FADS3: variants seen among roughly 807,000 people sequenced by gnomAD.
The protein encoded by FADS3 is fatty acid desaturase 3, also known as cytochrome b5-related protein.
FADS3 carries 30 observed loss-of-function variants against 60.4 expected under a neutral mutation model. That is an observed-to-expected ratio of 0.50 (90% CI 0.37 to 0.67). FADS3 has a LOEUF of 0.67. Among genes scored for constraint, FADS3 ranks in the 30% least tolerant of loss-of-function variants. The probability of loss-of-function intolerance (pLI) is 0.00; values close to 1 mark genes in which losing one functional copy is unlikely to be tolerated. For synonymous variants in FADS3, 234 were observed against 249.3 expected (o/e 0.94, Z 0.58); for missense variants, 432 against 598.3 (o/e 0.72, Z 2.90).
intron 11 of FADS3, among the ~76,000 whole-genome samples, chr11:61,875,530 G>A (rs984332494): frequency 6.6e-6 from 1 of 151,996 alleles, no homozygotes; most frequent in African/African-American, 2.4e-5. Context: ...ACCGCACCCG[G>A]CCCTGAGACA....
At chr11:61,885,195 G>A (rs1016418848) in intron 1 of FADS3, among the ~76,000 whole-genome samples, 7 of 151,986 alleles carry the variant, frequency 4.6e-5, no homozygotes, top group South Asian at 2.1e-4. Flanking sequence ...AAGATCCCAC[G>A]CCCTGCCCAA....
In FADS3 at chr11:61,876,896, G is replaced by A; in HGVS notation, c.953C>T (p.Pro318Leu). 6.2e-7 allele frequency: 1 copy of A among 1,611,016 alleles called. No homozygotes were observed. The highest frequency in any genetic ancestry group is 8.5e-7 in the Non-Finnish European group (1 of 1,179,196). The change falls in exon 8 of 12, where the codon CCT becomes CTT. Residue 318 changes from proline (P) to leucine (L), a missense_variant. Coordinates refer to ENST00000278829, the MANE Select transcript of FADS3 (RefSeq NM_021727.5). The surrounding 1 kb of genome is among the most constrained non-coding windows in gnomAD (Gnocchi z 5.7). The part of the protein sequence containing the change: ...FLSYLPFYGV[P>L]GVLLFFVAVR... ...AGCAACAAAGAAGAGCAGCACCCCA[G>A]GGACGCCGTAGAAGGGGAGGTAGGA...
intron 11 of FADS3, among the ~76,000 whole-genome samples, chr11:61,875,067 T>C (rs769812650): frequency 4.6e-5 from 7 of 152,212 alleles, no homozygotes; most frequent in African/African-American, 7.2e-5. Context: ...CCTCCTCTTG[T>C]AGACGCTTAT....
chr11:61,879,944 G>T, intron 2 of FADS3, 97 bp downstream of exon 2: 2 of 981,442 alleles, frequency 2.0e-6, no homozygotes, highest in Admixed American at 2.4e-5. Flanking sequence ...TTGGGCGAAT[G>T]CCGAGGGAGC....
In FADS3 at chr11:61,876,557, T is replaced by A. The variant is rs577716759; in HGVS notation, c.984-102A>T. The A allele has an allele frequency of 1.1e-6, 1 of 901,768 alleles. No homozygotes were observed. The highest frequency in any genetic ancestry group is 1.6e-5 in the African/African-American group (1 of 61,694). The allele number at this position is 901,768 out of a possible 1,614,324, so 55.9% of individuals were successfully genotyped here. On this transcript the variant is annotated intron_variant, in intron 8 of 11. Coordinates refer to ENST00000278829, the MANE Select transcript of FADS3 (RefSeq NM_021727.5). This position sits in a 1 kb window ranked among gnomAD's most constrained non-coding sequence, Gnocchi z 5.7. Reference sequence around the variant, plus strand: ...TCCCCAAGTGGCCTTGACTTCCTTATCTGTACAATAGGATTGTGGCCATCG... The same window carrying A: ...TCCCCAAGTGGCCTTGACTTCCTTAACTGTACAATAGGATTGTGGCCATCG...
At chr11:61,880,190 A>G in intron 1 of FADS3, 39 bp from the exon 2 acceptor site, 2 of 1,551,946 alleles carry the variant, frequency 1.3e-6, no homozygotes, top group Non-Finnish European at 1.8e-6. Context: ...AGACAGACAC[A>G]GCTGAGTAGC....
At position 61,879,442 on chromosome 11, in the gene FADS3, C is replaced by T. The variant is rs760966139; in HGVS notation, c.392G>A (p.Ser131Asn). The stretch of plus-strand genomic sequence containing the variant: ...CAGTAGGAAAGCAAAGAAGGTGGGA[C>T]TGGCATCAAACAGCTTCATGTCCTC... ...AAEDMKLFDA[S>N]PTFFAFLLGH... The change falls in exon 3 of 12, where the codon AGT (serine) becomes AAT (asparagine). Residue 131 changes from serine to asparagine, a missense_variant. Ser to Asn is a conservative substitution (Grantham distance 46). Coordinates refer to ENST00000278829, the MANE Select transcript of FADS3 (RefSeq NM_021727.5). 5.0e-5 allele frequency: 81 copies of T among 1,606,728 alleles called. No homozygotes were observed. The highest frequency in any genetic ancestry group is 6.5e-5 in the Non-Finnish European group (76 of 1,177,414).
chr11:61,873,577 C>A lies in FADS3; in HGVS notation c.*237G>T, dbSNP rs568042878. 7.6e-5 allele frequency: 43 copies of A among 566,600 alleles called. 1 individual carries two copies. In the East Asian group the frequency reaches 1.3e-3, roughly 18 times the overall value. 35.1% of individuals were successfully genotyped at this position (566,600 alleles called of 1,614,324 possible). ...AATAACAGCTTTCCCCCAATTCTCG[C>A]TCTAGGAAAATGTGCTATGCTCACC... On this transcript the variant is annotated 3_prime_UTR_variant, in exon 12 of 12. Transcript: ENST00000278829.
In FADS3 at chr11:61,878,517, C is replaced by T. The variant is rs144099007; in HGVS notation, c.742G>A (p.Val248Ile). ...APVFLLGESS[V>I]EYGKKKRRYL... is the part of the protein sequence containing the mutation. ...CCACGTCCCTCCCCACCCACCTCGA[C>T]GGATGACTCCCCCAGGAGGAAGACG... Residue 248 changes from valine to isoleucine, a missense_variant, in exon 5 of 12, where the codon GTC (valine) becomes ATC (isoleucine). Val to Ile is a conservative substitution (Grantham distance 29, BLOSUM62 3). This residue lies in a region of FADS3 where 116 missense variants were observed against 208.9 expected (regional missense o/e 0.56). Transcript: ENST00000278829. 2.9e-5 allele frequency: 46 copies of T among 1,613,676 alleles called. No homozygotes were observed. Among genetic ancestry groups the T allele is most frequent in the Non-Finnish European group, 3.5e-5 (41 of 1,179,812 alleles).
At chr11:61,875,663 G>C (rs183065456) in intron 11 of FADS3, among the ~76,000 whole-genome samples, 188 bp downstream of exon 11, 1 of 152,202 alleles carries the variant, frequency 6.6e-6, no homozygotes, top group Admixed American at 6.5e-5. Context: ...ACTGCTGTTT[G>C]TGAGTCTGCA....
intron 11 of FADS3, among the ~76,000 whole-genome samples, chr11:61,874,799 C>T (rs929938008): frequency 6.6e-6 from 1 of 152,118 alleles, no homozygotes; most frequent in African/African-American, 2.4e-5. Context: ...TTAGAAACTG[C>T]CGCCCCTGCC....
intron 11 of FADS3, 22 bp downstream of exon 11, chr11:61,875,829 A>G: frequency 6.2e-7 from 1 of 1,608,504 alleles, no homozygotes. Flanking sequence ...ACCAGAACAG[A>G]GGGGCCGGGC....
chr11:61,877,380 G>T lies in FADS3; in HGVS notation c.885+131C>A. On this transcript the variant is annotated intron_variant, in intron 7 of 11. Coordinates refer to ENST00000278829, the MANE Select transcript of FADS3 (RefSeq NM_021727.5). The surrounding 1 kb of genome is among the most constrained non-coding windows in gnomAD (Gnocchi z 4.7). Reference sequence around the variant, plus strand: ...ACACATGTGAGCCACACTGTTGCACGCATACATGTGAGCCACACTGTTGCA... The same window carrying T: ...ACACATGTGAGCCACACTGTTGCACTCATACATGTGAGCCACACTGTTGCA... 1 of 790,090 alleles carries T rather than the reference G, an allele frequency of 1.3e-6. No individual in the cohort carries two copies. The highest frequency in any genetic ancestry group is 2.1e-6 in the Non-Finnish European group (1 of 477,704). The allele number at this position is 790,090 out of a possible 1,614,324, so 48.9% of individuals were successfully genotyped here.
intron 1 of FADS3, chr11:61,881,426 T>C (rs1484588466): frequency 6.6e-6 from 1 of 152,214 alleles, no homozygotes; most frequent in Non-Finnish European, 1.5e-5. Context: ...GGCTCACTAA[T>C]TGTTCACAGC....
At chr11:61,883,714 T>C (rs921962171) in intron 1 of FADS3, among the ~76,000 whole-genome samples, 2 of 152,210 alleles carry the variant, frequency 1.3e-5, no homozygotes, top group African/African-American at 4.8e-5. Context: ...CTGAGGATCT[T>C]GGGTCCAGAT....
chr11:61,889,873 G>A (rs10732883), intron 1 of FADS3, among the ~76,000 whole-genome samples: 152,345 of 152,346 alleles, frequency 1, 76,172 homozygotes, highest in Non-Finnish European at 1. Context: ...TACTTTTTTA[G>A]AAAAAGACCA....
At position 61,876,772 on chromosome 11, in the gene FADS3, C is replaced by A; in HGVS notation, c.983+94G>T. ...AAGCCAGGGAGGCAGTACCACTGGC[C>A]CCATTCTGCAGACGGGAAAAGGGAA... On this transcript the variant is annotated intron_variant, in intron 8 of 11. Transcript: ENST00000278829. This position sits in a 1 kb window ranked among gnomAD's most constrained non-coding sequence, Gnocchi z 5.7. 1 of 993,728 alleles carries A rather than the reference C, an allele frequency of 1.0e-6. No individual in the cohort carries two copies. 61.6% of individuals were successfully genotyped at this position (993,728 alleles called of 1,614,324 possible). A position where few individuals can be genotyped will look rare whatever the true frequency, so the allele number is the denominator to read the frequency against.
Position 61,891,303 on chromosome 11 carries a change from G to T in FADS3, c.79C>A (p.Gln27Lys). 1 of 1,530,420 alleles carries T rather than the reference G, an allele frequency of 6.5e-7. No homozygotes were observed. Among genetic ancestry groups the T allele is most frequent in the Non-Finnish European group, 8.7e-7 (1 of 1,142,940 alleles). The allele number at this position is 1,530,420 out of a possible 1,614,324, so 94.8% of individuals were successfully genotyped here. A position where few individuals can be genotyped will look rare whatever the true frequency, so the allele number is the denominator to read the frequency against. The change falls in exon 1 of 12, where the codon CAG (glutamine) becomes AAG (lysine). Residue 27 changes from glutamine to lysine, a missense_variant. Physicochemically the swap from Gln to Lys is moderately conservative, Grantham distance 53. Transcript: ENST00000278829. ...CCGGGCTGGTCGTGCGCGCGGATCTGCTCCCAGCAGAAGGTGGGCAGCGGC... is the reference window on the plus strand; with the variant it reads ...CCGGGCTGGTCGTGCGCGCGGATCTTCTCCCAGCAGAAGGTGGGCAGCGGC... ...GAPLPTFCWE[Q>K]IRAHDQPGDK... is the part of the protein sequence containing the mutation.
Position 61,876,233 on chromosome 11 carries a change from A to T in FADS3, c.1081-43T>A, listed in dbSNP as rs368812496. On this transcript the variant is annotated intron_variant, in intron 9 of 11. Coordinates refer to ENST00000278829, the MANE Select transcript of FADS3 (RefSeq NM_021727.5). This position sits in a 1 kb window ranked among gnomAD's most constrained non-coding sequence, Gnocchi z 5.7. ...GGCACATGTGAGGAGGCCGTTGCAG[A>T]TCCCTGACCCCACGGCACCATCCCC... The T allele has an allele frequency of 6.5e-4, 1,019 of 1,577,736 alleles. No homozygotes were observed. Among genetic ancestry groups the T allele is most frequent in the Non-Finnish European group, 8.3e-4 (967 of 1,161,238 alleles).
Sources: gnomAD v4.1 joint callset for allele counts (sites outside exome capture counted in the v4.1 genomes callset) on GRCh38, gnomAD v4.1.1 for gene constraint, gnomAD v4.1.1 regional missense constraint, Gnocchi (gnomAD v3.1) non-coding constraint, MANE v1.5 for transcripts, NCBI Gene and HGNC (gene_info 2026-07-23, HGNC 2026-07-21) for gene names.